SYNE1: variants seen among roughly 807,000 people sequenced by gnomAD.
The protein encoded by SYNE1 is nesprin-1.
Under a neutral mutation model 1,111.0 loss-of-function variants are expected in SYNE1, and 616 were observed. The ratio of observed to expected loss-of-function variants is 0.55; its 90% confidence interval spans 0.52 to 0.59. The LOEUF is 0.59. Ranked by LOEUF, SYNE1 falls within the 20% of genes least tolerant of loss-of-function variation. The pLI, the probability that SYNE1 is intolerant of heterozygous loss-of-function variation, is 0.00. For synonymous variants in SYNE1, 3,855 were observed against 3,825.8 expected (o/e 1.01, Z -0.28); for missense variants, 10,006 against 10,417.0 (o/e 0.96, Z 1.72).
chr6:152,582,460 A>T (rs2099523446), intron 3 of SYNE1, among the ~76,000 whole-genome samples: 1 of 152,042 alleles, frequency 6.6e-6, no homozygotes, highest in Non-Finnish European at 1.5e-5. Context: ...CACTGAGTTA[A>T]ATTTTAAGTC....
At chr6:152,264,449 T>C (rs1169027291) in intron 100 of SYNE1, among the ~76,000 whole-genome samples, 1 of 152,008 alleles carries the variant, frequency 6.6e-6, no homozygotes, top group African/African-American at 2.4e-5. Flanking sequence ...ATTCTTAGAA[T>C]AAATGTAAAC....
chr6:152,588,170 T>A (rs1217933070), intron 3 of SYNE1, among the ~76,000 whole-genome samples: 2 of 152,190 alleles, frequency 1.3e-5, no homozygotes. Context: ...CTTCATCAGA[T>A]ACAGATGTCT....
intron 72 of SYNE1, among the ~76,000 whole-genome samples, chr6:152,348,789 C>G (rs773186311): frequency 6.7e-6 from 1 of 150,182 alleles, no homozygotes; most frequent in Non-Finnish European, 1.5e-5. Context: ...ACAAGTGACA[C>G]AATCCAACAT....
At chr6:152,427,629 T>C (rs1166556263) in intron 38 of SYNE1, 64 bp downstream of exon 38, 2 of 1,583,652 alleles carry the variant, frequency 1.3e-6, no homozygotes, top group East Asian at 2.2e-5. Flanking sequence ...TTTATTATTT[T>C]AAATAATGTA....
At chr6:152,134,253 AG>A (rs1366234415) in intron 142 of SYNE1, 3 of 152,216 alleles carry the variant, frequency 2.0e-5, no homozygotes, top group African/African-American at 7.2e-5. Context: ...TTCCTTGAGA[AG>A]TGGTATGTTT....
intron 95 of SYNE1, among the ~76,000 whole-genome samples, chr6:152,292,129 G>T (rs1260699412): frequency 1.3e-5 from 2 of 152,174 alleles, no homozygotes; most frequent in Admixed American, 1.3e-4. Flanking sequence ...GCTGGCAACA[G>T]AAAACTGAAG....
chr6:152,318,388 T>C, intron 85 of SYNE1, 125 bp from the exon 86 acceptor site: 1 of 1,055,860 alleles, frequency 9.5e-7, no homozygotes, highest in Non-Finnish European at 1.4e-6. Flanking sequence ...ATAATTCTAC[T>C]ATGATCAGGT....
Position 152,330,917 on chromosome 6 carries a change from T to C in SYNE1, c.13768A>G (p.Asn4590Asp), listed in dbSNP as rs199761238. ...QADIVTFPEI[N>D]LMNESSELHT... ...AGCTCAGAACTCTCATTCATTAGGT[T>C]GATTTCAGGAAATGTAACAATATCT... Residue 4590 changes from asparagine (N) to aspartate (D), a missense_variant, in exon 78 of 146, where the codon AAC becomes GAC. Asn to Asp is a conservative substitution (Grantham distance 23). This residue lies in a region of SYNE1 where 4,955 missense variants were observed against 5,017.2 expected (regional missense o/e 0.99). Transcript: ENST00000367255. The C allele has an allele frequency of 3.8e-4, 610 of 1,613,990 alleles. 1 individual carries two copies. Among genetic ancestry groups the C allele is most frequent in the Non-Finnish European group, 4.9e-4 (583 of 1,179,970 alleles).
chr6:152,125,599 G>A (rs1300130651), intron 145 of SYNE1: 2 of 408,902 alleles, frequency 4.9e-6, no homozygotes, highest in Non-Finnish European at 8.7e-6. Context: ...AATATGCCCT[G>A]GCAACCAACA....
At position 152,416,729 on chromosome 6, in the gene SYNE1, T is replaced by A; in HGVS notation, c.5708A>T (p.Asp1903Val). Residue 1903 changes from aspartate to valine, a missense_variant, in exon 41 of 146, where the codon GAT becomes GTT. Asp to Val is a radical substitution (Grantham distance 152, BLOSUM62 -3). This residue lies in a region of SYNE1 where 4,955 missense variants were observed against 5,017.2 expected (regional missense o/e 0.99). Coordinates refer to ENST00000367255, the MANE Select transcript of SYNE1 (RefSeq NM_182961.4). The stretch of plus-strand genomic sequence containing the variant: ...ATCATTGAGGTCCTTTTCTATCAAA[T>A]CAGACTCGTTCTTATTCATACTGTT... ...ATNSMNKNES[D>V]LIEKDLNDAL... The A allele has an allele frequency of 3.7e-6, 6 of 1,614,256 alleles. No individual in the cohort carries two copies. Among genetic ancestry groups the A allele is most frequent in the Non-Finnish European group, 5.1e-6 (6 of 1,180,044 alleles).
At chr6:152,520,431 G>C (rs764740291) in intron 6 of SYNE1, 28 bp downstream of exon 6, 1 of 1,608,490 alleles carries the variant, frequency 6.2e-7, no homozygotes, top group Non-Finnish European at 8.5e-7. Flanking sequence ...CTTCTTCCTT[G>C]GGCATTTTGT....
Position 152,220,968 on chromosome 6 carries a change from C to A in SYNE1, c.21735G>T (p.Lys7245Asn). 6.2e-7 allele frequency: 1 copy of A among 1,614,152 alleles called. No homozygotes were observed. The highest frequency in any genetic ancestry group is 1.1e-5 in the South Asian group (1 of 91,082). Reference sequence around the variant, plus strand: ...TCGAAGCACACTGTTTGGAGTAGTCCTTGTATCTTTGCCAAAGCTGAAGTA... The same window carrying A: ...TCGAAGCACACTGTTTGGAGTAGTCATTGTATCTTTGCCAAAGCTGAAGTA... The part of the protein sequence containing the change: ...KALLQLWQRY[K>N]DYSKQCASTV... Residue 7245 changes from lysine (K) to asparagine (N), a missense_variant, in exon 119 of 146, where the codon AAG becomes AAT. Coordinates refer to ENST00000367255, the MANE Select transcript of SYNE1 (RefSeq NM_182961.4).
rs551314919 is a variant in SYNE1 at position 152,384,645 on chromosome 6, G to A, written c.8652+1029C>T. ...AATTCCAGCACTTTGGGAGGCCAAG[G>A]CAGGCTGATCACCTGAGGTCAGGAG... is the stretch of plus-strand genomic sequence containing the variant. On this transcript the variant is annotated intron_variant, in intron 55 of 145. Coordinates refer to ENST00000367255, the MANE Select transcript of SYNE1 (RefSeq NM_182961.4). Among the ~76,000 whole-genome samples the A allele has an allele frequency of 3.9e-5, 6 of 152,264 alleles. No homozygotes were observed. The East Asian group carries it at 1.2e-3, about 29-fold the overall frequency.
At position 152,221,535 on chromosome 6, in the gene SYNE1, G is replaced by A; in HGVS notation, c.21547C>T (p.Gln7183Ter). Residue 7183 changes from glutamine to a stop codon, truncating the protein, a stop_gained, in exon 118 of 146, where the codon CAG (glutamine) becomes TAG (stop). Transcript: ENST00000367255. LOFTEE classifies it high-confidence loss of function. ...CCAAATTTCTGTAAGCTCCTTTCCT[G>A]TTTTTCCAGATCATCTTGGAGATTC... The part of the protein sequence containing the change: ...LQNLQDDLEK[Q>*]ERSLQKFGSI... 1 of 1,613,720 alleles carries A rather than the reference G, an allele frequency of 6.2e-7. No homozygotes were observed. Among genetic ancestry groups the A allele is most frequent in the African/African-American group, 1.3e-5 (1 of 74,966 alleles).
intron 95 of SYNE1, among the ~76,000 whole-genome samples, chr6:152,291,408 G>A (rs1279020446): frequency 1.3e-5 from 2 of 151,764 alleles, no homozygotes; most frequent in African/African-American, 4.8e-5. Flanking sequence ...AACTTAGAAA[G>A]GGAAAAAAAG....
intron 3 of SYNE1, among the ~76,000 whole-genome samples, chr6:152,598,454 A>G (rs2099588123): frequency 6.6e-6 from 1 of 152,246 alleles, no homozygotes; most frequent in Admixed American, 6.5e-5. Flanking sequence ...TGACTAATAC[A>G]GAAACTGAAT....
chr6:152,476,561 A>C (rs1368990692), intron 14 of SYNE1, among the ~76,000 whole-genome samples: 1 of 152,112 alleles, frequency 6.6e-6, no homozygotes, highest in African/African-American at 2.4e-5. Context: ...TATCATGAAA[A>C]TACTGTCATT....
rs1381681745 is a variant in SYNE1, at chr6:152,221,431, G to T, written c.21651C>A (p.Asn7217Lys). The change falls in exon 118 of 146, where the codon AAC becomes AAA. Residue 7217 changes from asparagine to lysine, a missense_variant. Coordinates refer to ENST00000367255, the MANE Select transcript of SYNE1 (RefSeq NM_182961.4). ...ETLTNTLKEV[N>K]MRWNNLLEEI... ...AAAGTTAACATACTCCATACCTCATGTTGACTTCTTTCAGTGTATTGGTAA... is the reference window on the plus strand; with the variant it reads ...AAAGTTAACATACTCCATACCTCATTTTGACTTCTTTCAGTGTATTGGTAA... The T allele has an allele frequency of 6.2e-7, 1 of 1,613,900 alleles. No homozygotes were observed. Among genetic ancestry groups the T allele is most frequent in the Admixed American group, 1.7e-5 (1 of 60,018 alleles).
intron 3 of SYNE1, among the ~76,000 whole-genome samples, chr6:152,592,189 G>A (rs2099568907): frequency 6.6e-6 from 1 of 151,752 alleles, no homozygotes; most frequent in Admixed American, 6.6e-5. Flanking sequence ...GGTATATACT[G>A]GGTATTTTTT....
Sources: gnomAD v4.1 joint callset for allele counts (sites outside exome capture counted in the v4.1 genomes callset) on GRCh38, gnomAD v4.1.1 for gene constraint, gnomAD v4.1.1 regional missense constraint, MANE v1.5 for transcripts, NCBI Gene and HGNC (gene_info 2026-07-23, HGNC 2026-07-21) for gene names.